Variants in TRDN observed in about 807,000 individuals in gnomAD.
The protein encoded by TRDN is triadin in skeletal muscle.
A neutral mutation model predicts 149.7 loss-of-function variants in TRDN; 161 were observed. The observed-to-expected ratio is 1.08, with a 90% CI of 0.95 to 1.23. TRDN has a LOEUF of 1.23. Among genes scored for constraint, TRDN ranks in the 50% most tolerant of loss-of-function variants. The probability of loss-of-function intolerance (pLI) is 0.00; values close to 1 mark genes in which losing one functional copy is unlikely to be tolerated. For missense variants in TRDN, 896 were observed against 823.5 expected (o/e 1.09, Z -1.08); for synonymous variants, 294 against 250.5 (o/e 1.17, Z -1.64).
chr6:123,303,282 A>T (rs535949528), intron 24 of TRDN, among the ~76,000 whole-genome samples: 11 of 150,680 alleles, frequency 7.3e-5, no homozygotes, highest in African/African-American at 2.4e-4. Context: ...AACAGATTTT[A>T]AAAAAATTAT....
intron 14 of TRDN, among the ~76,000 whole-genome samples, chr6:123,384,110 T>G (rs1781819900): frequency 1.3e-5 from 2 of 152,218 alleles, no homozygotes; most frequent in Admixed American, 6.5e-5. Flanking sequence ...AACATTTTCC[T>G]ATTCATTTTC....
intron 5 of TRDN, among the ~76,000 whole-genome samples, chr6:123,530,077 C>A (rs1583196362): frequency 6.6e-6 from 1 of 151,928 alleles, no homozygotes; most frequent in East Asian, 1.9e-4. Flanking sequence ...ATGACCTCTG[C>A]CATGAGGTCA....
At chr6:123,450,220 T>C (rs967937837) in intron 10 of TRDN, among the ~76,000 whole-genome samples, 7 of 152,090 alleles carry the variant, frequency 4.6e-5, no homozygotes, top group Non-Finnish European at 1.0e-4. Flanking sequence ...ATGAATGCAA[T>C]GGTGCCTCCC....
intron 4 of TRDN, among the ~76,000 whole-genome samples, chr6:123,541,270 G>T (rs375934038): frequency 6.6e-6 from 1 of 152,098 alleles, no homozygotes; most frequent in African/African-American, 2.4e-5. Context: ...CTGATCTCTT[G>T]CTTTCCTTGG....
intron 24 of TRDN, among the ~76,000 whole-genome samples, chr6:123,307,445 A>C (rs776945560): frequency 6.6e-6 from 1 of 152,054 alleles, no homozygotes; most frequent in Non-Finnish European, 1.5e-5. Context: ...TATGTCTTTG[A>C]TTCTACATAC....
chr6:123,516,373 G>A (rs749882855), intron 5 of TRDN, among the ~76,000 whole-genome samples, 167 bp from the exon 6 acceptor site: 1 of 152,022 alleles, frequency 6.6e-6, no homozygotes. Flanking sequence ...GATAATTACA[G>A]ATTTATTTCC....
At chr6:123,375,576 CTCT>C in intron 19 of TRDN, 26 bp downstream of exon 19, 16 of 1,522,118 alleles carry the variant, frequency 1.1e-5, no homozygotes, top group Non-Finnish European at 1.4e-5. Flanking sequence ...CCCAAATATG[CTCT>C]TCTTTAAAAA....
chr6:123,263,355 C>G (rs1776836695), intron 33 of TRDN, among the ~76,000 whole-genome samples: 1 of 152,006 alleles, frequency 6.6e-6, no homozygotes, highest in Non-Finnish European at 1.5e-5. Context: ...AAGTTGGAAG[C>G]TACCAGAGGT....
intron 5 of TRDN, among the ~76,000 whole-genome samples, chr6:123,522,516 TC>T (rs1389450943): frequency 3.1e-4 from 28 of 90,866 alleles, no homozygotes; most frequent in African/African-American, 8.7e-4. Context: ...GTGCGGTTCC[TC>T]TTTTTTTTTT....
intron 20 of TRDN, among the ~76,000 whole-genome samples, chr6:123,365,078 A>G (rs185630024): frequency 2.0e-5 from 3 of 152,186 alleles, no homozygotes; most frequent in African/African-American, 4.8e-5. Context: ...TGACATCACA[A>G]ATATTAGATT....
chr6:123,600,350 T>C (rs373296640), intron 1 of TRDN, among the ~76,000 whole-genome samples: 3 of 151,920 alleles, frequency 2.0e-5, no homozygotes, highest in South Asian at 2.1e-4. Context: ...TAGAACACCA[T>C]TGAATCTTAG....
chr6:123,311,468 G>C (rs1233068584), intron 24 of TRDN, among the ~76,000 whole-genome samples: 2 of 151,944 alleles, frequency 1.3e-5, no homozygotes, highest in Non-Finnish European at 2.9e-5. Flanking sequence ...CAGTGAGGAA[G>C]TACCTTGCCA....
intron 10 of TRDN, among the ~76,000 whole-genome samples, chr6:123,451,620 CA>C (rs760066990): frequency 6.6e-6 from 1 of 151,532 alleles, no homozygotes; most frequent in Non-Finnish European, 1.5e-5. Flanking sequence ...AAATTACCAA[CA>C]AAAAAAAGTC....
intron 23 of TRDN, among the ~76,000 whole-genome samples, chr6:123,325,679 C>T (rs544024273): frequency 4.5e-4 from 68 of 152,166 alleles, no homozygotes; most frequent in African/African-American, 1.5e-3. Flanking sequence ...GGGGACAAAA[C>T]TCCACCTTTT....
intron 24 of TRDN, among the ~76,000 whole-genome samples, chr6:123,310,703 C>T (rs1016332968): frequency 1.3e-4 from 20 of 151,856 alleles, no homozygotes; most frequent in Admixed American, 1.3e-3. Flanking sequence ...GAAGAAGGTT[C>T]AGCCAACCAA....
intron 2 of TRDN, among the ~76,000 whole-genome samples, chr6:123,558,093 G>C (rs1026427984): frequency 2.6e-5 from 4 of 152,008 alleles, no homozygotes; most frequent in Admixed American, 2.6e-4. Flanking sequence ...TGGGCAAACG[G>C]TCTGAGGTGC....
chr6:123,349,999 C>A (rs985663546), intron 21 of TRDN: 1 of 985,124 alleles, frequency 1.0e-6, no homozygotes, highest in Non-Finnish European at 1.2e-6. Flanking sequence ...CACAAATTAG[C>A]CCATTTATGA....
chr6:123,338,165 C>T (rs1237123669), intron 21 of TRDN, among the ~76,000 whole-genome samples: 1 of 152,122 alleles, frequency 6.6e-6, no homozygotes, highest in South Asian at 2.1e-4. Context: ...GTACTGGCTC[C>T]AGTAGTTGCA....
At chr6:123,244,442 G>C (rs1776101704) in intron 38 of TRDN, among the ~76,000 whole-genome samples, 1 of 152,056 alleles carries the variant, frequency 6.6e-6, no homozygotes, top group Non-Finnish European at 1.5e-5. Context: ...AGAATTTCCT[G>C]AAGCATACAC....
Sources: allele counts gnomAD v4.1 joint callset (sites outside exome capture counted in the v4.1 genomes callset), GRCh38; gene constraint gnomAD v4.1.1; transcripts MANE v1.5; gene names NCBI Gene and HGNC (gene_info 2026-07-23, HGNC 2026-07-21).